PRKN: variants seen among roughly 807,000 people sequenced by gnomAD.
PRKN encodes the protein E3 ubiquitin-protein ligase parkin.
Under a neutral mutation model 59.5 loss-of-function variants are expected in PRKN, and 56 were observed. That is an observed-to-expected ratio of 0.94 (90% CI 0.76 to 1.18). The LOEUF (loss-of-function observed/expected upper bound fraction) is 1.18, where lower values mean the gene tolerates loss of function less well. PRKN is among the 50% of genes most tolerant of loss of function. The pLI is 0.00. For missense variants in PRKN, 657 were observed against 596.4 expected (o/e 1.10, Z -1.06); for synonymous variants, 250 against 222.1 (o/e 1.13, Z -1.12).
In PRKN at chr6:162,010,533, ATATAATGTAT is replaced by A. The variant is rs1782494817; in HGVS notation, c.619-37126_619-37117del. Among the ~76,000 whole-genome samples the A allele has an allele frequency of 7.9e-5, 2 of 25,262 alleles. 1 individual carries two copies. The highest frequency in any genetic ancestry group is 1.1e-4 in the Non-Finnish European group (2 of 18,412). 16.6% of individuals were successfully genotyped at this position (25,262 alleles called of 152,430 possible). On this transcript the variant is annotated intron_variant, in intron 5 of 11. Transcript: ENST00000366898. The stretch of plus-strand genomic sequence containing the variant: ...TATATTATATATTATATAATATATT[ATATAATGTAT>A]TATATTATATATTATATAATATATT...
chr6:161,857,293 C>T (rs536868846), intron 6 of PRKN, among the ~76,000 whole-genome samples: 4 of 152,286 alleles, frequency 2.6e-5, no homozygotes, highest in South Asian at 2.1e-4. Flanking sequence ...TCTATCAGAA[C>T]GGCTCAACTC....
chr6:162,095,664 T>G lies in PRKN; in HGVS notation c.535-41490A>C, dbSNP rs551719154. Among the ~76,000 whole-genome samples the G allele has an allele frequency of 1.3e-3, 195 of 152,280 alleles. 1 individual carries two copies. The highest frequency in any genetic ancestry group is 8.8e-4 in the Non-Finnish European group (60 of 68,026). On this transcript the variant is annotated intron_variant, in intron 4 of 11. Coordinates refer to ENST00000366898, the MANE Select transcript of PRKN (RefSeq NM_004562.3). ...TGTATTTACTCATTTTGCATTTCTT[T>G]TCAAAGGCTCTCATGATTTCAGGAG...
At chr6:162,510,779 C>T (rs1428744451) in intron 1 of PRKN, among the ~76,000 whole-genome samples, 1 of 151,964 alleles carries the variant, frequency 6.6e-6, no homozygotes, top group East Asian at 1.9e-4. Context: ...AAAAATTAGC[C>T]AGGTGTGGTG....
At chr6:161,852,997 A>C (rs1793499778) in intron 6 of PRKN, among the ~76,000 whole-genome samples, 1 of 152,154 alleles carries the variant, frequency 6.6e-6, no homozygotes, top group Admixed American at 6.6e-5. Context: ...GCCTGTTTTT[A>C]TGTTTTATGT....
chr6:161,371,821 T>G lies in PRKN; in HGVS notation c.1168-11616A>C, dbSNP rs544019368. ...ACCTCGCTAATTTTTGTATTTTTAGTAGAGATGGGATTTCATCACTTTGGC... is the reference window on the plus strand; with the variant it reads ...ACCTCGCTAATTTTTGTATTTTTAGGAGAGATGGGATTTCATCACTTTGGC... On this transcript the variant is annotated intron_variant, in intron 10 of 11. Coordinates refer to ENST00000366898, the MANE Select transcript of PRKN (RefSeq NM_004562.3). This position sits in a 1 kb window ranked among gnomAD's most constrained non-coding sequence, Gnocchi z 5.5. Among the ~76,000 whole-genome samples, 1 of 152,116 alleles carries G rather than the reference T, an allele frequency of 6.6e-6. No homozygotes were observed. Among genetic ancestry groups the G allele is most frequent in the East Asian group, 1.9e-4 (1 of 5,140 alleles).
chr6:162,233,761 T>C (rs1261404117), intron 3 of PRKN, among the ~76,000 whole-genome samples: 1 of 152,136 alleles, frequency 6.6e-6, no homozygotes, highest in Admixed American at 6.5e-5. Context: ...GTAACTAGGA[T>C]TAGATGAGGT....
chr6:162,614,345 T>C (rs2155505), intron 1 of PRKN, among the ~76,000 whole-genome samples: 93,144 of 152,018 alleles, frequency 0.61, 29,265 homozygotes, highest in African/African-American at 0.75. Context: ...AAGTGCAAAA[T>C]CAGGCAAAGG....
At chr6:161,779,671 A>C (rs1415126440) in intron 7 of PRKN, among the ~76,000 whole-genome samples, 1 of 151,852 alleles carries the variant, frequency 6.6e-6, no homozygotes, top group Admixed American at 6.6e-5. Flanking sequence ...TCTCATGCCT[A>C]GCCTCAAGTG....
intron 1 of PRKN, among the ~76,000 whole-genome samples, chr6:162,570,127 C>G (rs950661024): frequency 3.3e-5 from 5 of 152,114 alleles, no homozygotes; most frequent in African/African-American, 1.2e-4. Flanking sequence ...ATAATCTGAT[C>G]ATTTTAAATA....
chr6:162,444,463 T>C (rs1790214225), intron 1 of PRKN, among the ~76,000 whole-genome samples: 1 of 151,584 alleles, frequency 6.6e-6, no homozygotes, highest in East Asian at 1.9e-4. Context: ...AATCTCCATG[T>C]GTACTCTTTT....
At chr6:162,213,415 G>A (rs1583208149) in intron 3 of PRKN, among the ~76,000 whole-genome samples, 1 of 151,400 alleles carries the variant, frequency 6.6e-6, no homozygotes. Context: ...CAACTGGGAA[G>A]GAGCCTAGCA....
intron 1 of PRKN, among the ~76,000 whole-genome samples, chr6:162,712,803 A>G (rs1446892332): frequency 1.3e-5 from 2 of 152,212 alleles, no homozygotes; most frequent in African/African-American, 4.8e-5. Flanking sequence ...AGATTATTTC[A>G]TGGAAGCAAG....
At position 161,527,575 on chromosome 6, in the gene PRKN, T is replaced by C; in HGVS notation, c.1083+21279A>G. On this transcript the variant is annotated intron_variant, in intron 9 of 11. Transcript: ENST00000366898. This position sits in a 1 kb window ranked among gnomAD's most constrained non-coding sequence, Gnocchi z 4.6. ...TGCCTGAGGGGTGGAGTGAGGAACA[T>C]CTGCCCATGGGTAGTAGCACCTTGT... is the stretch of plus-strand genomic sequence containing the variant. Among the ~76,000 whole-genome samples the C allele has an allele frequency of 6.6e-6, 1 of 152,164 alleles. No homozygotes were observed.
At chr6:161,691,203 A>G (rs1785779813) in intron 7 of PRKN, among the ~76,000 whole-genome samples, 1 of 152,152 alleles carries the variant, frequency 6.6e-6, no homozygotes, top group African/African-American at 2.4e-5. Flanking sequence ...TCTCTTCCAC[A>G]TACTGCAGTC....
In PRKN at chr6:161,575,102, T is replaced by C. The variant is rs1781080301; in HGVS notation, c.872-5686A>G. On this transcript the variant is annotated intron_variant, in intron 7 of 11. Coordinates refer to ENST00000366898, the MANE Select transcript of PRKN (RefSeq NM_004562.3). This position sits in a 1 kb window ranked among gnomAD's most constrained non-coding sequence, Gnocchi z 4.6. ...ACCCATCACTCAACTGTTGCCTGTG[T>C]TTTCTAAAAATCTGAGCTCATTGGT... Among the ~76,000 whole-genome samples, 1 of 152,176 alleles carries C rather than the reference T, an allele frequency of 6.6e-6. No individual in the cohort carries two copies.
chr6:161,975,720 G>T (rs550728762), intron 5 of PRKN, among the ~76,000 whole-genome samples: 1 of 152,288 alleles, frequency 6.6e-6, no homozygotes, highest in South Asian at 2.1e-4. Flanking sequence ...AACTTGCCAG[G>T]TGATGTTGTT....
At chr6:162,555,780 C>G (rs1363570245) in intron 1 of PRKN, among the ~76,000 whole-genome samples, 1 of 151,878 alleles carries the variant, frequency 6.6e-6, no homozygotes, top group Non-Finnish European at 1.5e-5. Flanking sequence ...CACCTGAGGT[C>G]AGAAGCTTGA....
intron 6 of PRKN, among the ~76,000 whole-genome samples, chr6:161,838,575 T>C (rs1291839315): frequency 6.6e-6 from 1 of 152,238 alleles, no homozygotes; most frequent in Non-Finnish European, 1.5e-5. Context: ...GCCTGGATGT[T>C]AGCCCAGGTC....
chr6:162,723,667 T>C (rs186651623), intron 1 of PRKN, among the ~76,000 whole-genome samples: 1 of 152,330 alleles, frequency 6.6e-6, no homozygotes, highest in Admixed American at 6.5e-5. Context: ...CCTAGGAAAA[T>C]GTAAAATCTA....
Sources: gnomAD v4.1 joint callset for allele counts (sites outside exome capture counted in the v4.1 genomes callset) on GRCh38, gnomAD v4.1.1 for gene constraint, Gnocchi (gnomAD v3.1) non-coding constraint, MANE v1.5 for transcripts, NCBI Gene and HGNC (gene_info 2026-07-23, HGNC 2026-07-21) for gene names.